Variants in ZNF594 observed in about 807,000 individuals in gnomAD.
The protein encoded by ZNF594 is zinc finger protein 594, also known as zinc finger protein HZF18.
For missense variants in ZNF594, 1,037 were observed against 964.6 expected, an observed-to-expected ratio of 1.08 and a Z score of -0.99; for synonymous variants, 336 against 309.4, an observed-to-expected ratio of 1.09 and a Z score of -0.90.
At chr17:5,189,754 C>A (rs2074409672) in intron 1 of ZNF594, among the ~76,000 whole-genome samples, 1 of 151,990 alleles carries the variant, frequency 6.6e-6, no homozygotes, top group African/African-American at 2.4e-5. Context: ...AAACTCCTGG[C>A]CTCAAGGGAT....
At position 5,181,983 on chromosome 17, in the gene ZNF594, CT is replaced by C; in HGVS notation, c.2273del (p.Lys758ArgfsTer24). On this transcript the variant is annotated frameshift_variant, in exon 2 of 2. Coordinates refer to ENST00000575779, the MANE Select transcript of ZNF594 (RefSeq NM_032530.2). LOFTEE classifies it low-confidence loss of function (END_TRUNC). ...LRKEQRTHQEKKVYWCNQCSR... is the reference protein window; with the variant it reads ...LRKEQRTHQEXKVYWCNQCSR... ...TACACTGATTACACCAATAAACTTT[CT>C]TTTCCTGGTGAGTTCTCTGCTCTTT... 6.2e-7 allele frequency: 1 copy of C among 1,613,524 alleles called. No individual in the cohort carries two copies. Among genetic ancestry groups the C allele is most frequent in the Non-Finnish European group, 8.5e-7 (1 of 1,179,998 alleles).
At chr17:5,187,751 C>T (rs1277805221) in intron 1 of ZNF594, among the ~76,000 whole-genome samples, 2 of 152,114 alleles carry the variant, frequency 1.3e-5, no homozygotes, top group Non-Finnish European at 2.9e-5. Context: ...TATAAATACA[C>T]ATAAAACATT....
chr17:5,188,905 G>A (rs2074403866), intron 1 of ZNF594, among the ~76,000 whole-genome samples: 1 of 151,452 alleles, frequency 6.6e-6, no homozygotes, highest in Admixed American at 6.6e-5. Flanking sequence ...CCACCAGTAC[G>A]CCCAGCTAAT....
At chr17:5,187,953 G>C (rs1175088819) in intron 1 of ZNF594, among the ~76,000 whole-genome samples, 1 of 149,952 alleles carries the variant, frequency 6.7e-6, no homozygotes, top group African/African-American at 2.5e-5. Flanking sequence ...ACACTCCTGG[G>C]CTCAGGCCAT....
At chr17:5,176,413 AAAAG>A (rs1391263267), downstream of ZNF594, among the ~76,000 whole-genome samples, 129 of 151,582 alleles carry the variant, frequency 8.5e-4, no homozygotes, top group Admixed American at 5.1e-3. Flanking sequence ...AAAAAAAAAA[AAAAG>A]AATAAAATGA....
rs751370705 is a variant in ZNF594, at chr17:5,183,866, C to T, written c.391G>A (p.Glu131Lys). The change falls in exon 2 of 2, where the codon GAA (glutamate) becomes AAA (lysine). Residue 131 changes from glutamate to lysine, a missense_variant. Transcript: ENST00000575779. ...HNINKTYECK[E>K]CEKTFNRSSN... Reference sequence around the variant, plus strand: ...CTCCTGTTGAAGGTTTTTTCACATTCCTTACATTCATAGGTCTTATTTATA... The same window carrying T: ...CTCCTGTTGAAGGTTTTTTCACATTTCTTACATTCATAGGTCTTATTTATA... 2 of 1,613,424 alleles carry T rather than the reference C, an allele frequency of 1.2e-6. No individual in the cohort carries two copies. Among genetic ancestry groups the T allele is most frequent in the Non-Finnish European group, 1.7e-6 (2 of 1,179,864 alleles).
rs755322790 is a variant in ZNF594 at position 5,182,902 on chromosome 17, C to T, written c.1355G>A (p.Arg452His). 68 of 1,613,854 alleles carry T rather than the reference C, an allele frequency of 4.2e-5. No individual in the cohort carries two copies. The highest frequency in any genetic ancestry group is 5.0e-5 in the Admixed American group (3 of 59,990). ...ATAGGGTTTCTCTCCAGTATGAACACGATGGTGTCTAATAAGATCTGAGCT... is the reference window on the plus strand; with the variant it reads ...ATAGGGTTTCTCTCCAGTATGAACATGATGGTGTCTAATAAGATCTGAGCT... ...RGSSDLIRHH[R>H]VHTGEKPYEC... The change falls in exon 2 of 2, where the codon CGT (arginine) becomes CAT (histidine). Residue 452 changes from arginine to histidine, a missense_variant. Coordinates refer to ENST00000575779, the MANE Select transcript of ZNF594 (RefSeq NM_032530.2).
rs2074378814 is a variant in ZNF594 at position 5,185,281 on chromosome 17, G to A, written c.-20-1005C>T. Among the ~76,000 whole-genome samples the A allele has an allele frequency of 2.0e-5, 3 of 152,302 alleles. No individual in the cohort carries two copies. In the South Asian group the frequency reaches 6.2e-4, roughly 32 times the overall value. On this transcript the variant is annotated intron_variant, in intron 1 of 1. Coordinates refer to ENST00000575779, the MANE Select transcript of ZNF594 (RefSeq NM_032530.2). Reference sequence around the variant, plus strand: ...GCTGGGAAGGCCTCAGAATCATGGTGGGAGGTGAAAGGCACATCTTACATG... The same window carrying A: ...GCTGGGAAGGCCTCAGAATCATGGTAGGAGGTGAAAGGCACATCTTACATG...
chr17:5,184,307 C>G (rs2641232), intron 1 of ZNF594, 31 bp from the exon 2 acceptor site: 904,851 of 1,549,698 alleles, frequency 0.58, 279,706 homozygotes, highest in Non-Finnish European at 0.65. Context: ...TTCTATAATT[C>G]CTAAAATACA....
rs2074338654 is a variant in ZNF594, at chr17:5,181,362, C to G, written c.*471G>C. 1 of 1,613,034 alleles carries G rather than the reference C, an allele frequency of 6.2e-7. No homozygotes were observed. On this transcript the variant is annotated 3_prime_UTR_variant, in exon 2 of 2. Coordinates refer to ENST00000575779, the MANE Select transcript of ZNF594 (RefSeq NM_032530.2). Reference sequence around the variant, plus strand: ...TACCTGATGTCCGATGAGGTCTGAGCTGCCCTGGAAAGCCCTACCACACTG... The same window carrying G: ...TACCTGATGTCCGATGAGGTCTGAGGTGCCCTGGAAAGCCCTACCACACTG...
downstream of ZNF594, among the ~76,000 whole-genome samples, chr17:5,175,524 G>A (rs752507269): frequency 3.9e-5 from 6 of 152,120 alleles, no homozygotes; most frequent in Non-Finnish European, 8.8e-5. Flanking sequence ...GGTAGAACAA[G>A]ATCTCTCCAG....
Position 5,181,551 on chromosome 17 carries a change from C to T in ZNF594, c.*282G>A, listed in dbSNP as rs1355441116. The T allele has an allele frequency of 1.9e-6, 3 of 1,613,998 alleles. No individual in the cohort carries two copies. Among genetic ancestry groups the T allele is most frequent in the Non-Finnish European group, 2.5e-6 (3 of 1,179,926 alleles). On this transcript the variant is annotated 3_prime_UTR_variant, in exon 2 of 2. Coordinates refer to ENST00000575779, the MANE Select transcript of ZNF594 (RefSeq NM_032530.2). ...CATGAAGAGTTTCCCACATTCCTTA[C>T]ATTCATAGGGTTTCTCACCACTATG...
At chr17:5,184,463 GAA>G (rs2074373493) in intron 1 of ZNF594, 187 bp from the exon 2 acceptor site, 1 of 605,428 alleles carries the variant, frequency 1.7e-6, no homozygotes, top group Admixed American at 3.5e-5. Flanking sequence ...CCCTGTTGGT[GAA>G]AAAACCCGCC....
Position 5,183,868 on chromosome 17 carries a change from T to G in ZNF594, c.389A>C (p.Lys130Thr). 4 of 1,613,558 alleles carry G rather than the reference T, an allele frequency of 2.5e-6. No individual in the cohort carries two copies. Among genetic ancestry groups the G allele is most frequent in the Non-Finnish European group, 3.4e-6 (4 of 1,179,900 alleles). ...CCTGTTGAAGGTTTTTTCACATTCC[T>G]TACATTCATAGGTCTTATTTATATT... ...IHNINKTYEC[K>T]ECEKTFNRSS... Residue 130 changes from lysine to threonine, a missense_variant, in exon 2 of 2, where the codon AAG (lysine) becomes ACG (threonine). Coordinates refer to ENST00000575779, the MANE Select transcript of ZNF594 (RefSeq NM_032530.2).
At chr17:5,189,307 G>A (rs538352235) in intron 1 of ZNF594, among the ~76,000 whole-genome samples, 12 of 151,084 alleles carry the variant, frequency 7.9e-5, no homozygotes, top group African/African-American at 2.9e-4. Context: ...GAGTGCAGTG[G>A]TGTAATCATG....
chr17:5,183,658 C>G lies in ZNF594; in HGVS notation c.599G>C (p.Arg200Thr), dbSNP rs1433826378. 7 of 1,614,090 alleles carry G rather than the reference C, an allele frequency of 4.3e-6. No homozygotes were observed. The South Asian group carries it at 5.5e-5, about 13-fold the overall frequency. The change falls in exon 2 of 2, where the codon AGA becomes ACA. Residue 200 changes from arginine to threonine, a missense_variant. By Grantham distance (71) the Arg-to-Thr change is moderately conservative. Transcript: ENST00000575779. ...KDFNQSSNLV[R>T]HKQIHSGGNP... ...CCCACCACTGTGAATTTGCTTATGTCTCACCAGATTGGAGCTCTGATTGAA... is the reference window on the plus strand; with the variant it reads ...CCCACCACTGTGAATTTGCTTATGTGTCACCAGATTGGAGCTCTGATTGAA...
intron 1 of ZNF594, among the ~76,000 whole-genome samples, chr17:5,190,901 C>T (rs1191796218): frequency 1.3e-5 from 2 of 152,156 alleles, no homozygotes; most frequent in African/African-American, 2.4e-5. Flanking sequence ...CCTGGGGACG[C>T]GCTCGGTGGA....
chr17:5,189,101 A>C (rs1349409510), intron 1 of ZNF594, among the ~76,000 whole-genome samples: 1 of 151,804 alleles, frequency 6.6e-6, no homozygotes, highest in Non-Finnish European at 1.5e-5. Context: ...AGCCAAAAAA[A>C]AAAAGAAAAG....
chr17:5,187,211 G>A (rs1351087418), intron 1 of ZNF594, among the ~76,000 whole-genome samples: 2 of 152,244 alleles, frequency 1.3e-5, no homozygotes, highest in South Asian at 2.1e-4. Context: ...ATGGCAGGAG[G>A]CAAAAGGCAC....
Sources: gnomAD v4.1 joint callset for allele counts (sites outside exome capture counted in the v4.1 genomes callset) on GRCh38, gnomAD v4.1.1 for gene constraint, MANE v1.5 for transcripts, NCBI Gene and HGNC (gene_info 2026-07-23, HGNC 2026-07-21) for gene names.